The following FBXL16 variants were observed in gnomAD, a reference collection of about 807,000 sequenced individuals.
FBXL16 encodes F-box and leucine rich repeat protein 16, also known as F-box/LRR-repeat protein 16.
In FBXL16, 7 loss-of-function variants were observed where a neutral mutation model predicts 36.7. The observed-to-expected ratio is 0.19, with a 90% CI of 0.11 to 0.36. The LOEUF is 0.36. Among genes scored for constraint, FBXL16 ranks in the 10% least tolerant of loss-of-function variants. The pLI is 1.00. For missense variants in FBXL16, 463 were observed against 659.4 expected (o/e 0.70, Z 3.26); for synonymous variants, 355 against 308.7 (o/e 1.15, Z -1.57).
chr16:700,570 CG>C (rs765425774), intron 1 of FBXL16, among the ~76,000 whole-genome samples: 3 of 152,150 alleles, frequency 2.0e-5, no homozygotes, highest in Non-Finnish European at 2.9e-5. Context: ...AGGCCTGGCG[CG>C]GGGCTGCCTC....
intron 1 of FBXL16, among the ~76,000 whole-genome samples, chr16:703,183 G>A (rs2040069151): frequency 1.3e-5 from 2 of 152,074 alleles, no homozygotes; most frequent in South Asian, 2.1e-4. Flanking sequence ...TGGGCCCTGG[G>A]CTAGTGGTCT....
intron 4 of FBXL16, 30 bp downstream of exon 4, chr16:694,962 C>T (rs2039999210): frequency 2.0e-6 from 3 of 1,508,422 alleles, no homozygotes; most frequent in South Asian, 1.3e-5. Flanking sequence ...CCCCGCCGAT[C>T]CCCCAATCCC....
rs1220248256 is a variant in FBXL16, at chr16:697,690, TG to T, written c.-14-272del. ...GCCCATGGACACCCTCTTTTTCTTTTGTTTTTTTTCTTTTTGAAACAGAGTT... is the reference window on the plus strand; with the variant it reads ...GCCCATGGACACCCTCTTTTTCTTTTTTTTTTTTCTTTTTGAAACAGAGTT... On this transcript the variant is annotated intron_variant, in intron 1 of 5. Transcript: ENST00000397621. This position sits in a 1 kb window ranked among gnomAD's most constrained non-coding sequence, Gnocchi z 4.6. Among the ~76,000 whole-genome samples the T allele has an allele frequency of 6.6e-6, 1 of 152,168 alleles. No homozygotes were observed. The highest frequency in any genetic ancestry group is 1.5e-5 in the Non-Finnish European group (1 of 68,028).
At chr16:702,674 C>T (rs2040065991) in intron 1 of FBXL16, among the ~76,000 whole-genome samples, 1 of 152,208 alleles carries the variant, frequency 6.6e-6, no homozygotes, top group Non-Finnish European at 1.5e-5. Context: ...GGGAAATTAA[C>T]CCGGATCGTG....
At chr16:701,029 C>T (rs991912137) in intron 1 of FBXL16, among the ~76,000 whole-genome samples, 1 of 152,206 alleles carries the variant, frequency 6.6e-6, no homozygotes, top group Non-Finnish European at 1.5e-5. Context: ...GTTGAAAACG[C>T]TCCCAGTCAT....
chr16:697,434 C>T lies in FBXL16; in HGVS notation c.-14-15G>A, dbSNP rs1362089759. ...CCTGGCACGCTCTGTGGATGAGGGC[C>T]GGGAGGGGGAGTGAGTCTGTTGCTG... On this transcript the variant is annotated splice_polypyrimidine_tract_variant and intron_variant, in intron 1 of 5. Transcript: ENST00000397621. This position sits in a 1 kb window ranked among gnomAD's most constrained non-coding sequence, Gnocchi z 4.6. 2 of 1,507,640 alleles carry T rather than the reference C, an allele frequency of 1.3e-6. No homozygotes were observed. Among genetic ancestry groups the T allele is most frequent in the African/African-American group, 1.4e-5 (1 of 71,790 alleles). 93.4% of individuals were successfully genotyped at this position (1,507,640 alleles called of 1,614,324 possible).
chr16:694,766 T>C, intron 4 of FBXL16, 69 bp from the exon 5 acceptor site: 1 of 1,502,590 alleles, frequency 6.7e-7, no homozygotes, highest in South Asian at 1.2e-5. Flanking sequence ...CTGGGGTCCA[T>C]GGAGGGCTAG....
chr16:704,820 G>A (rs886618890), intron 1 of FBXL16, among the ~76,000 whole-genome samples: 1 of 152,242 alleles, frequency 6.6e-6, no homozygotes, highest in African/African-American at 2.4e-5. Flanking sequence ...TGGAGTGGCC[G>A]CTGGGCCGTC....
At chr16:696,595 A>C (rs560145826) in intron 2 of FBXL16, among the ~76,000 whole-genome samples, 178 bp downstream of exon 2, 6 of 119,490 alleles carry the variant, frequency 5.0e-5, no homozygotes, top group African/African-American at 1.3e-4. Context: ...TGCTGCTGCC[A>C]TCTTGAAAAT....
In FBXL16 at chr16:695,096, G is replaced by T. The variant is rs575809766; in HGVS notation, c.1143-20C>A. On this transcript the variant is annotated intron_variant, in intron 3 of 5. Transcript: ENST00000397621. Reference sequence around the variant, plus strand: ...ACACACCTGTGGTTGCACCAGAGGGGACCCCCACCTTCAAATCACCTGGCC... The same window carrying T: ...ACACACCTGTGGTTGCACCAGAGGGTACCCCCACCTTCAAATCACCTGGCC... 9.4e-6 allele frequency: 15 copies of T among 1,598,326 alleles called. 1 individual carries two copies. The South Asian group carries it at 1.7e-4, about 18-fold the overall frequency.
Position 695,834 on chromosome 16 carries a change from G to A in FBXL16, c.723C>T (p.Ser241=). ...TCACGCTCAGCGAGGTGATGCGCGCGCTCAGGCTGGACCACAGCCCGGCCT... is the reference window on the plus strand; with the variant it reads ...TCACGCTCAGCGAGGTGATGCGCGCACTCAGGCTGGACCACAGCCCGGCCT... ...FTEAGLWSSL[S]ARITSLSVSD... is the part of the protein sequence containing the mutation. The change falls in exon 3 of 6, where the codon AGC becomes AGT. Residue 241 remains serine (S), a synonymous_variant. Transcript: ENST00000397621. 1 of 1,608,968 alleles carries A rather than the reference G, an allele frequency of 6.2e-7. No individual in the cohort carries two copies.
In FBXL16 at chr16:694,278, C is replaced by T; in HGVS notation, c.1437G>A (p.Glu479=). 1 of 1,416,488 alleles carries T rather than the reference C, an allele frequency of 7.1e-7. No individual in the cohort carries two copies. The highest frequency in any genetic ancestry group is 9.2e-7 in the Non-Finnish European group (1 of 1,083,326). The allele number at this position is 1,416,488 out of a possible 1,614,324, so 87.7% of individuals were successfully genotyped here. A position where few individuals can be genotyped will look rare whatever the true frequency, so the allele number is the denominator to read the frequency against. The part of the protein sequence containing the change: ...SQHLPRCLVI[E] Reference sequence around the variant, plus strand: ...CGACCGGGGCGGGGGCCTCGCGCTACTCAATGACGAGGCAGCGGGGCAGGT... The same window carrying T: ...CGACCGGGGCGGGGGCCTCGCGCTATTCAATGACGAGGCAGCGGGGCAGGT... Residue 479 remains glutamate (E), a synonymous_variant, in exon 6 of 6, where the codon GAG becomes GAA. Coordinates refer to ENST00000397621, the MANE Select transcript of FBXL16 (RefSeq NM_153350.4).
Position 693,362 on chromosome 16 carries a change from C to T in FBXL16, c.*913G>A, listed in dbSNP as rs928543697. 6.6e-6 allele frequency: 1 copy of T among 152,364 alleles called. No homozygotes were observed. The highest frequency in any genetic ancestry group is 2.4e-5 in the African/African-American group (1 of 41,444). The allele number at this position is 152,364 out of a possible 1,614,324, so 9.4% of individuals were successfully genotyped here. A position where few individuals can be genotyped will look rare whatever the true frequency, so the allele number is the denominator to read the frequency against. On this transcript the variant is annotated 3_prime_UTR_variant, in exon 6 of 6. Transcript: ENST00000397621. ...TCGGTGCCCAGGCCTGAACTGAGCCCGGCCGGGTGCAAGGGCTGAGGTGTG... is the reference window on the plus strand; with the variant it reads ...TCGGTGCCCAGGCCTGAACTGAGCCTGGCCGGGTGCAAGGGCTGAGGTGTG...
chr16:698,292 C>T (rs974114790), intron 1 of FBXL16, among the ~76,000 whole-genome samples: 1 of 152,158 alleles, frequency 6.6e-6, no homozygotes, highest in African/African-American at 2.4e-5. Flanking sequence ...AATGAGCCAC[C>T]GTGCCTGACC....
chr16:694,559 C>G (rs1168748470), intron 5 of FBXL16, 75 bp downstream of exon 5: 1 of 1,528,462 alleles, frequency 6.5e-7, no homozygotes. Context: ...GCACAAGGAC[C>G]GGGCAGGTTG....
chr16:694,621 A>G lies in FBXL16; in HGVS notation c.1291+13T>C, dbSNP rs1411821566. 1 of 1,606,690 alleles carries G rather than the reference A, an allele frequency of 6.2e-7. No individual in the cohort carries two copies. The highest frequency in any genetic ancestry group is 1.3e-5 in the African/African-American group (1 of 74,848). On this transcript the variant is annotated intron_variant, in intron 5 of 5. Coordinates refer to ENST00000397621, the MANE Select transcript of FBXL16 (RefSeq NM_153350.4). ...GGTCACTGCCAGCGTCAGAGCAGAA[A>G]CGGGGGTCTCACCTGCCAGAGACAG...
chr16:694,321 A>T lies in FBXL16; in HGVS notation c.1394T>A (p.Phe465Tyr), dbSNP rs958422765. 1.3e-6 allele frequency: 2 copies of T among 1,494,076 alleles called. No individual in the cohort carries two copies. The highest frequency in any genetic ancestry group is 5.2e-5 in the Admixed American group (2 of 38,162). 92.6% of individuals were successfully genotyped at this position (1,494,076 alleles called of 1,614,324 possible). A position where few individuals can be genotyped will look rare whatever the true frequency, so the allele number is the denominator to read the frequency against. The change falls in exon 6 of 6, where the codon TTC becomes TAC. Residue 465 changes from phenylalanine (F) to tyrosine (Y), a missense_variant. Phe to Tyr is a conservative substitution (Grantham distance 22, BLOSUM62 3). Around this residue, in one of 3 missense-constraint regions of FBXL16, gnomAD observed 134 missense variants for 172.0 expected, o/e 0.78. Transcript: ENST00000397621. ...TNCPGATPELFKYFSQHLPRC... is the reference protein window; with the variant it reads ...TNCPGATPELYKYFSQHLPRC... ...GGGCAGGTGCTGCGAGAAATACTTG[A>T]AGAGCTCGGGGGTGGCCCCGGGGCA...
rs773166211 is a variant in FBXL16 at position 694,339 on chromosome 16, C to G, written c.1376G>C (p.Gly459Ala). Residue 459 changes from glycine to alanine, a missense_variant, in exon 6 of 6, where the codon GGG becomes GCG. Physicochemically the swap from Gly to Ala is moderately conservative, Grantham distance 60. Transcript: ENST00000397621. ...ATACTTGAAGAGCTCGGGGGTGGCCCCGGGGCAGTTGGTCAGCTCCAGCTC... is the reference window on the plus strand; with the variant it reads ...ATACTTGAAGAGCTCGGGGGTGGCCGCGGGGCAGTTGGTCAGCTCCAGCTC... ...LEELELTNCP[G>A]ATPELFKYFS... The G allele has an allele frequency of 2.6e-6, 4 of 1,519,608 alleles. No homozygotes were observed. The highest frequency in any genetic ancestry group is 3.5e-6 in the Non-Finnish European group (4 of 1,140,468). The allele number at this position is 1,519,608 out of a possible 1,614,324, so 94.1% of individuals were successfully genotyped here.
intron 1 of FBXL16, among the ~76,000 whole-genome samples, chr16:703,752 C>T (rs1368915727): frequency 6.6e-6 from 1 of 152,242 alleles, no homozygotes; most frequent in South Asian, 2.1e-4. Context: ...AAGAGAAACC[C>T]GTGTTGCTGC....
Sources: allele counts gnomAD v4.1 joint callset (sites outside exome capture counted in the v4.1 genomes callset), GRCh38; gene constraint gnomAD v4.1.1; regional missense constraint gnomAD v4.1.1; non-coding constraint Gnocchi (gnomAD v3.1); transcripts MANE v1.5; gene names NCBI Gene and HGNC (gene_info 2026-07-23, HGNC 2026-07-21).